The following C19orf84 variants were observed in gnomAD, a reference collection of about 807,000 sequenced individuals.
C19orf84 encodes piRNA-mediated silencing protein C19orf84.
A neutral mutation model predicts 4.0 loss-of-function variants in C19orf84; 1 was observed. That is an observed-to-expected ratio of 0.25 (90% CI 0.09 to 1.19). C19orf84 has a LOEUF of 1.19. Ranked by LOEUF, C19orf84 falls within the 50% of genes most tolerant of loss-of-function variation. C19orf84 has a pLI of 0.50. For missense variants in C19orf84, 224 were observed against 246.8 expected (o/e 0.91, Z 0.62); for synonymous variants, 123 against 109.6 (o/e 1.12, Z -0.76).
In C19orf84 at chr19:51,389,377, G is replaced by A. The variant is rs886975159; in HGVS notation, c.168C>T (p.Thr56=). The A allele has an allele frequency of 4.0e-6, 6 of 1,514,360 alleles. No individual in the cohort carries two copies. Among genetic ancestry groups the A allele is most frequent in the East Asian group, 2.5e-5 (1 of 40,628 alleles). 93.8% of individuals were successfully genotyped at this position (1,514,360 alleles called of 1,614,324 possible). Residue 56 remains threonine, a synonymous_variant, in exon 2 of 2, where the codon ACC becomes ACT. Coordinates refer to ENST00000574814, the MANE Select transcript of C19orf84 (RefSeq NM_001193623.2). The surrounding 1 kb of genome is among the most constrained non-coding windows in gnomAD (Gnocchi z 4.7). The stretch of plus-strand genomic sequence containing the variant: ...AGAGGGTGTCCAGGCGTATGGGCAC[G>A]GTGACAGAGGCCACGCTCTCCGGGA... ...LGLPESVASV[T]VPIRLDTLSC... is the part of the protein sequence containing the mutation.
In C19orf84 at chr19:51,389,490, A is replaced by G. The variant is rs1353959985; in HGVS notation, c.55T>C (p.Ser19Pro). 7 of 1,428,476 alleles carry G rather than the reference A, an allele frequency of 4.9e-6. No homozygotes were observed. The Admixed American group carries it at 2.0e-4, about 42-fold the overall frequency. 88.5% of individuals were successfully genotyped at this position (1,428,476 alleles called of 1,614,324 possible). The change falls in exon 2 of 2, where the codon TCA becomes CCA. Residue 19 changes from serine (S) to proline (P), a missense_variant. Transcript: ENST00000574814. The surrounding 1 kb of genome is among the most constrained non-coding windows in gnomAD (Gnocchi z 4.7). ...GGGGGCCATGGCTCGGTCCCAGATG[A>G]CGGCAGGGACAGGTTGTTCCTAGAA... The part of the protein sequence containing the change: ...GPEGNNLSLP[S>P]SGTEPWPPAP...
rs574954491 is a variant in C19orf84 at position 51,389,831 on chromosome 19, G to A, written c.36-322C>T. Among the ~76,000 whole-genome samples the A allele has an allele frequency of 6.6e-6, 1 of 152,292 alleles. No individual in the cohort carries two copies. The highest frequency in any genetic ancestry group is 2.1e-4 in the South Asian group (1 of 4,826). ...TTTATAGTCACAGATGGCTTTGGAT[G>A]GTATCAAAGGTGCGTATGACAGCGC... is the stretch of plus-strand genomic sequence containing the variant. On this transcript the variant is annotated intron_variant, in intron 1 of 1. Transcript: ENST00000574814. This position sits in a 1 kb window ranked among gnomAD's most constrained non-coding sequence, Gnocchi z 4.7.
chr19:51,388,926 G>A lies in C19orf84; in HGVS notation c.*58C>T, dbSNP rs1987184137. ...TTCTGACAGGGCTGAGATCACTCTG[G>A]GCCCCAGGAAAACCCTCCTGGGTGA... On this transcript the variant is annotated 3_prime_UTR_variant, in exon 2 of 2. Coordinates refer to ENST00000574814, the MANE Select transcript of C19orf84 (RefSeq NM_001193623.2). The A allele has an allele frequency of 1.3e-6, 2 of 1,517,122 alleles. No homozygotes were observed. Among genetic ancestry groups the A allele is most frequent in the Non-Finnish European group, 1.8e-6 (2 of 1,131,762 alleles). The allele number at this position is 1,517,122 out of a possible 1,614,324, so 94.0% of individuals were successfully genotyped here. A position where few individuals can be genotyped will look rare whatever the true frequency, so the allele number is the denominator to read the frequency against.
chr19:51,388,705 T>G lies in C19orf84; in HGVS notation c.*279A>C. ...TGGGGGTTGAGAATGAGGTAAGGAT[T>G]GTGGTTGTGGTTGGGGATGGCATTG... On this transcript the variant is annotated 3_prime_UTR_variant, in exon 2 of 2. Transcript: ENST00000574814. The G allele has an allele frequency of 2.0e-6, 1 of 496,890 alleles. No individual in the cohort carries two copies. Among genetic ancestry groups the G allele is most frequent in the African/African-American group, 2.0e-5 (1 of 50,858 alleles). 30.8% of individuals were successfully genotyped at this position (496,890 alleles called of 1,614,324 possible).
chr19:51,389,107 G>T lies in C19orf84; in HGVS notation c.438C>A (p.Thr146=). ...RAGGPGAGPR[T]PPMTLPSPPT... is the part of the protein sequence containing the mutation. ...GTGGTGATGGCAGTGTCATTGGTGG[G>T]GTCCTGGGGCCAGCCCCAGGGCCCC... The change falls in exon 2 of 2, where the codon ACC becomes ACA. Residue 146 remains threonine (T), a synonymous_variant. Coordinates refer to ENST00000574814, the MANE Select transcript of C19orf84 (RefSeq NM_001193623.2). The surrounding 1 kb of genome is among the most constrained non-coding windows in gnomAD (Gnocchi z 4.7). 1.3e-6 allele frequency: 2 copies of T among 1,535,890 alleles called. No homozygotes were observed. The highest frequency in any genetic ancestry group is 2.4e-5 in the East Asian group (1 of 40,880).
rs551820772 is a variant in C19orf84, at chr19:51,389,566, C to T, written c.36-57G>A. 2 of 1,335,926 alleles carry T rather than the reference C, an allele frequency of 1.5e-6. No homozygotes were observed. The highest frequency in any genetic ancestry group is 1.5e-5 in the African/African-American group (1 of 66,794). 82.8% of individuals were successfully genotyped at this position (1,335,926 alleles called of 1,614,324 possible). A position where few individuals can be genotyped will look rare whatever the true frequency, so the allele number is the denominator to read the frequency against. On this transcript the variant is annotated intron_variant, in intron 1 of 1. Coordinates refer to ENST00000574814, the MANE Select transcript of C19orf84 (RefSeq NM_001193623.2). This position sits in a 1 kb window ranked among gnomAD's most constrained non-coding sequence, Gnocchi z 4.7. ...TCAGCGTCTCCGTACTTTCTTGTTT[C>T]TCGCTGCCAGGCTGTCTCTGCACCT...
rs534628964 is a variant in C19orf84, at chr19:51,388,905, G to A, written c.*79C>T. 6.1e-5 allele frequency: 89 copies of A among 1,451,932 alleles called. No homozygotes were observed. The Admixed American group carries it at 8.9e-4, about 15-fold the overall frequency. 89.9% of individuals were successfully genotyped at this position (1,451,932 alleles called of 1,614,324 possible). The stretch of plus-strand genomic sequence containing the variant: ...GGAAGATGTTTCTTGGGGTTCTTCT[G>A]ACAGGGCTGAGATCACTCTGGGCCC... On this transcript the variant is annotated 3_prime_UTR_variant, in exon 2 of 2. Transcript: ENST00000574814.
rs1472123702 is a variant in C19orf84 at position 51,388,820 on chromosome 19, T to G, written c.*164A>C. On this transcript the variant is annotated 3_prime_UTR_variant, in exon 2 of 2. Coordinates refer to ENST00000574814, the MANE Select transcript of C19orf84 (RefSeq NM_001193623.2). ...TGGGATTCAGGTGACTTAGGTCAGG[T>G]TCACCAAGTGCCTCACAGGAGCTAC... 1.1e-5 allele frequency: 8 copies of G among 753,902 alleles called. No homozygotes were observed. The highest frequency in any genetic ancestry group is 1.7e-5 in the Non-Finnish European group (8 of 478,256). The allele number at this position is 753,902 out of a possible 1,614,324, so 46.7% of individuals were successfully genotyped here.
In C19orf84 at chr19:51,389,588, A is replaced by G; in HGVS notation, c.36-79T>C. 1 of 1,242,634 alleles carries G rather than the reference A, an allele frequency of 8.0e-7. No individual in the cohort carries two copies. Among genetic ancestry groups the G allele is most frequent in the Non-Finnish European group, 1.0e-6 (1 of 964,416 alleles). The allele number at this position is 1,242,634 out of a possible 1,614,324, so 77.0% of individuals were successfully genotyped here. A position where few individuals can be genotyped will look rare whatever the true frequency, so the allele number is the denominator to read the frequency against. On this transcript the variant is annotated intron_variant, in intron 1 of 1. Transcript: ENST00000574814. The surrounding 1 kb of genome is among the most constrained non-coding windows in gnomAD (Gnocchi z 4.7). ...TTTCTCGCTGCCAGGCTGTCTCTGC[A>G]CCTCTGCAGAAGGCAGCCATCTCTC...
In C19orf84 at chr19:51,390,570, G is replaced by T. The variant is rs1987288061; in HGVS notation, c.-58C>A. On this transcript the variant is annotated 5_prime_UTR_variant, in exon 1 of 2. Transcript: ENST00000574814. ...AACTTCGCCTCCGAGATCCTTCGGG[G>T]GCCCGGGAAGGTTGGGGAGGGGCCG... 6.7e-7 allele frequency: 1 copy of T among 1,499,460 alleles called. No individual in the cohort carries two copies. The highest frequency in any genetic ancestry group is 1.4e-5 in the African/African-American group (1 of 71,158). 92.9% of individuals were successfully genotyped at this position (1,499,460 alleles called of 1,614,324 possible).
Position 51,390,557 on chromosome 19 carries a change from G to A in C19orf84, c.-45C>T. ...CGTATCTTCTAGCAACTTCGCCTCC[G>A]AGATCCTTCGGGGGCCCGGGAAGGT... On this transcript the variant is annotated 5_prime_UTR_variant, in exon 1 of 2. Coordinates refer to ENST00000574814, the MANE Select transcript of C19orf84 (RefSeq NM_001193623.2). 6 of 1,510,206 alleles carry A rather than the reference G, an allele frequency of 4.0e-6. No homozygotes were observed. The highest frequency in any genetic ancestry group is 5.3e-6 in the Non-Finnish European group (6 of 1,132,400). 93.6% of individuals were successfully genotyped at this position (1,510,206 alleles called of 1,614,324 possible).
Position 51,388,635 on chromosome 19 carries a change from G to T in C19orf84, c.*349C>A. On this transcript the variant is annotated 3_prime_UTR_variant, in exon 2 of 2. Coordinates refer to ENST00000574814, the MANE Select transcript of C19orf84 (RefSeq NM_001193623.2). Reference sequence around the variant, plus strand: ...GGGAAGAGAGAGGCAGGTAGGAGTGGCTTTGGGATTAGGGAGAGGATAGGG... The same window carrying T: ...GGGAAGAGAGAGGCAGGTAGGAGTGTCTTTGGGATTAGGGAGAGGATAGGG... 3.3e-6 allele frequency: 1 copy of T among 302,720 alleles called. No individual in the cohort carries two copies. The highest frequency in any genetic ancestry group is 8.3e-5 in the East Asian group (1 of 12,060). 18.8% of individuals were successfully genotyped at this position (302,720 alleles called of 1,614,324 possible). A position where few individuals can be genotyped will look rare whatever the true frequency, so the allele number is the denominator to read the frequency against.
In C19orf84 at chr19:51,389,569, G is replaced by A. The variant is rs537549776; in HGVS notation, c.36-60C>T. The A allele has an allele frequency of 1.1e-5, 14 of 1,321,270 alleles. No individual in the cohort carries two copies. Among genetic ancestry groups the A allele is most frequent in the South Asian group, 4.3e-5 (2 of 47,036 alleles). The allele number at this position is 1,321,270 out of a possible 1,614,324, so 81.8% of individuals were successfully genotyped here. ...GCGTCTCCGTACTTTCTTGTTTCTC[G>A]CTGCCAGGCTGTCTCTGCACCTCTG... is the stretch of plus-strand genomic sequence containing the variant. On this transcript the variant is annotated intron_variant, in intron 1 of 1. Transcript: ENST00000574814. This position sits in a 1 kb window ranked among gnomAD's most constrained non-coding sequence, Gnocchi z 4.7.
Position 51,389,290 on chromosome 19 carries a change from G to T in C19orf84, c.255C>A (p.Cys85Ter). 6.5e-7 allele frequency: 1 copy of T among 1,535,958 alleles called. No homozygotes were observed. The highest frequency in any genetic ancestry group is 8.7e-7 in the Non-Finnish European group (1 of 1,146,752). ...AYTFQQALPS[C>*]PCCSQAGHSQ... ...AGTGGCCTGCCTGGGAGCAGCAGGG[G>T]CAAGAGGGCAAGGCCTGTTGGAAGG... Residue 85 changes from cysteine to a stop codon, truncating the protein, a stop_gained, in exon 2 of 2, where the codon TGC becomes TGA. Coordinates refer to ENST00000574814, the MANE Select transcript of C19orf84 (RefSeq NM_001193623.2). LOFTEE classifies it low-confidence loss of function (END_TRUNC). The surrounding 1 kb of genome is among the most constrained non-coding windows in gnomAD (Gnocchi z 4.7).
Position 51,389,477 on chromosome 19 carries a change from T to A in C19orf84, c.68A>T (p.Glu23Val). 1.4e-6 allele frequency: 2 copies of A among 1,433,282 alleles called. No homozygotes were observed. Among genetic ancestry groups the A allele is most frequent in the Non-Finnish European group, 1.8e-6 (2 of 1,097,212 alleles). The allele number at this position is 1,433,282 out of a possible 1,614,324, so 88.8% of individuals were successfully genotyped here. ...TGGGAGAGGCGCAGGGGGCCATGGC[T>A]CGGTCCCAGATGACGGCAGGGACAG... is the stretch of plus-strand genomic sequence containing the variant. ...NNLSLPSSGT[E>V]PWPPAPLPAP... Residue 23 changes from glutamate to valine, a missense_variant, in exon 2 of 2, where the codon GAG becomes GTG. Glu to Val is a moderately radical substitution (Grantham distance 121). Transcript: ENST00000574814. This position sits in a 1 kb window ranked among gnomAD's most constrained non-coding sequence, Gnocchi z 4.7.
At chr19:51,390,335 C>T (rs1233007958) in intron 1 of C19orf84, 143 bp downstream of exon 1, 2 of 672,128 alleles carry the variant, frequency 3.0e-6, no homozygotes, top group East Asian at 3.2e-5. Context: ...GATTCTGTAC[C>T]TATGTGATGA....
Position 51,390,185 on chromosome 19 carries a change from C to G in C19orf84, c.35+293G>C, listed in dbSNP as rs201994364. ...GAGAGACAGATTTCTCCATGTTGGT[C>G]AGGCTGGTCTCGAACTCCCGACCTC... On this transcript the variant is annotated intron_variant, in intron 1 of 1. Coordinates refer to ENST00000574814, the MANE Select transcript of C19orf84 (RefSeq NM_001193623.2). 7.4e-4 allele frequency among the ~76,000 whole-genome samples: 112 copies of G among 152,244 alleles called. 1 individual carries two copies. The East Asian group carries it at 0.02, about 28-fold the overall frequency.
Position 51,390,069 on chromosome 19 carries a change from C to T in C19orf84, c.35+409G>A, listed in dbSNP as rs1321734087. 2.0e-5 allele frequency among the ~76,000 whole-genome samples: 3 copies of T among 152,070 alleles called. No individual in the cohort carries two copies. The East Asian group carries it at 5.8e-4, about 29-fold the overall frequency. On this transcript the variant is annotated intron_variant, in intron 1 of 1. Coordinates refer to ENST00000574814, the MANE Select transcript of C19orf84 (RefSeq NM_001193623.2). ...ACTTGGCTCAACGCAACCTCTGCCT[C>T]TCGGGTTCAAGCGATTCTCCTGCCT...
At position 51,388,371 on chromosome 19, in the gene C19orf84, TG is replaced by T. The variant is rs967999674; in HGVS notation, c.*612del. 6.4e-6 allele frequency: 1 copy of T among 156,198 alleles called. No homozygotes were observed. Among genetic ancestry groups the T allele is most frequent in the Non-Finnish European group, 1.4e-5 (1 of 70,562 alleles). 9.7% of individuals were successfully genotyped at this position (156,198 alleles called of 1,614,324 possible). A position where few individuals can be genotyped will look rare whatever the true frequency, so the allele number is the denominator to read the frequency against. On this transcript the variant is annotated 3_prime_UTR_variant, in exon 2 of 2. Coordinates refer to ENST00000574814, the MANE Select transcript of C19orf84 (RefSeq NM_001193623.2). Reference sequence around the variant, plus strand: ...AGTGGGGTGGGGAGTCACAGGTGTCTGGGTATGTGGGGCCAATGCGGTTCTT... The same window carrying T: ...AGTGGGGTGGGGAGTCACAGGTGTCTGGTATGTGGGGCCAATGCGGTTCTT...
Sources: allele counts gnomAD v4.1 joint callset (sites outside exome capture counted in the v4.1 genomes callset), GRCh38; gene constraint gnomAD v4.1.1; non-coding constraint Gnocchi (gnomAD v3.1); transcripts MANE v1.5; gene names NCBI Gene and HGNC (gene_info 2026-07-23, HGNC 2026-07-21).